The following NCAM1 variants were observed in gnomAD, a reference collection of about 807,000 sequenced individuals.
The protein encoded by NCAM1 is neural cell adhesion molecule 1, also known as antigen recognized by monoclonal antibody 5.1H11.
A neutral mutation model predicts 109.8 loss-of-function variants in NCAM1; 14 were observed. The observed-to-expected ratio is 0.13, with a 90% CI of 0.08 to 0.20. The LOEUF is 0.20. NCAM1 is among the 10% of genes least tolerant of loss of function. The pLI is 1.00. For missense variants in NCAM1, 774 were observed against 1,109.9 expected, an observed-to-expected ratio of 0.70 and a Z score of 4.30; for synonymous variants, 418 against 442.9, an observed-to-expected ratio of 0.94 and a Z score of 0.70.
At chr11:113,234,349 T>C (rs1945099390) in intron 13 of NCAM1, among the ~76,000 whole-genome samples, 1 of 152,074 alleles carries the variant, frequency 6.6e-6, no homozygotes, top group Non-Finnish European at 1.5e-5. Flanking sequence ...AAGTGTAAAA[T>C]TCAGTGGCAT....
intron 1 of NCAM1, among the ~76,000 whole-genome samples, chr11:112,982,408 G>A (rs1951177173): frequency 6.6e-6 from 1 of 151,984 alleles, no homozygotes; most frequent in African/African-American, 2.4e-5. Flanking sequence ...AGATGGGGAA[G>A]TAAGGAGGTC....
At chr11:113,225,651 T>C (rs1297765454) in intron 9 of NCAM1, among the ~76,000 whole-genome samples, 2 of 151,964 alleles carry the variant, frequency 1.3e-5, no homozygotes, top group Admixed American at 6.6e-5. Flanking sequence ...AAAGTGGAAA[T>C]GAAGGAAAAA....
At position 113,022,803 on chromosome 11, in the gene NCAM1, A is replaced by G. The variant is rs61902794; in HGVS notation, c.52+61139A>G. Among the ~76,000 whole-genome samples, 382 of 152,212 alleles carry G rather than the reference A, an allele frequency of 2.5e-3. 1 individual carries two copies. The highest frequency in any genetic ancestry group is 4.0e-3 in the Non-Finnish European group (275 of 68,016). On this transcript the variant is annotated intron_variant, in intron 1 of 19. Transcript: ENST00000316851. ...CCAGGATCCTAGTTTTCCACTCTCA[A>G]TCTTTATTACTAGGATCTTACCTTG... is the stretch of plus-strand genomic sequence containing the variant.
At chr11:113,229,504 C>T (rs1944941329) in intron 9 of NCAM1, among the ~76,000 whole-genome samples, 1 of 152,136 alleles carries the variant, frequency 6.6e-6, no homozygotes, top group African/African-American at 2.4e-5. Flanking sequence ...ACTAGTTCAA[C>T]CATTGTGGAA....
intron 1 of NCAM1, among the ~76,000 whole-genome samples, chr11:113,096,350 G>A (rs949310540): frequency 2.0e-5 from 3 of 152,234 alleles, no homozygotes; most frequent in Non-Finnish European, 2.9e-5. Context: ...CTGAGGAAGG[G>A]AGGAGCTACC....
chr11:113,228,059 C>G (rs1555116558), intron 9 of NCAM1, among the ~76,000 whole-genome samples: 1 of 152,174 alleles, frequency 6.6e-6, no homozygotes, highest in African/African-American at 2.4e-5. Context: ...TCCTATTCAA[C>G]ATAGTGTTGG....
chr11:113,000,516 G>C (rs1394914447), intron 1 of NCAM1, among the ~76,000 whole-genome samples: 2 of 152,118 alleles, frequency 1.3e-5, no homozygotes, highest in South Asian at 2.1e-4. Context: ...AGGACAGGAA[G>C]TACGGATAAC....
chr11:113,215,481 T>C (rs1488416272), intron 8 of NCAM1, among the ~76,000 whole-genome samples: 1 of 150,572 alleles, frequency 6.6e-6, no homozygotes, highest in African/African-American at 2.4e-5. Flanking sequence ...TTCACTCTTC[T>C]GCCTGCCTAA....
intron 1 of NCAM1, among the ~76,000 whole-genome samples, chr11:113,125,895 C>T (rs1941154033): frequency 1.3e-5 from 2 of 152,044 alleles, no homozygotes; most frequent in South Asian, 2.1e-4. Flanking sequence ...GTGGCTCACA[C>T]CTGTAATCCT....
intron 9 of NCAM1, 45 bp from the exon 10 acceptor site, chr11:113,231,600 C>A: frequency 6.9e-6 from 11 of 1,596,220 alleles, no homozygotes; most frequent in Non-Finnish European, 9.4e-6. Context: ...GCCCTTCACC[C>A]TGCCTTGGGC....
At chr11:113,102,093 T>C (rs1210520456) in intron 1 of NCAM1, among the ~76,000 whole-genome samples, 5 of 152,224 alleles carry the variant, frequency 3.3e-5, no homozygotes, top group African/African-American at 1.2e-4. Flanking sequence ...TCATTATTTG[T>C]TCAGAAGATT....
At chr11:113,262,876 C>G (rs1946048170) in intron 17 of NCAM1, 1 of 1,613,846 alleles carries the variant, frequency 6.2e-7, no homozygotes, top group Admixed American at 1.7e-5. Flanking sequence ...GCATCCTACA[C>G]CTTTGTCTCA....
chr11:113,120,325 G>C (rs1231739658), intron 1 of NCAM1, among the ~76,000 whole-genome samples: 1 of 152,176 alleles, frequency 6.6e-6, no homozygotes, highest in Non-Finnish European at 1.5e-5. Context: ...AAAGTTGGAA[G>C]GTTTCCGGTA....
At chr11:112,977,591 A>C (rs781890977) in intron 1 of NCAM1, among the ~76,000 whole-genome samples, 21 of 151,910 alleles carry the variant, frequency 1.4e-4, no homozygotes, top group Non-Finnish European at 2.9e-4. Context: ...GAAAAAAATT[A>C]ATACATTGGA....
At chr11:113,073,680 G>GA (rs1436773990) in intron 1 of NCAM1, among the ~76,000 whole-genome samples, 1 of 152,126 alleles carries the variant, frequency 6.6e-6, no homozygotes, top group African/African-American at 2.4e-5. Context: ...TAAAGCTAAT[G>GA]AAAAAAACCT....
chr11:113,277,833 G>T lies in NCAM1; in HGVS notation c.*2446G>T. On this transcript the variant is annotated 3_prime_UTR_variant, in exon 20 of 20. Transcript: ENST00000316851. ...ATTACACATAGGTTTGTCTCAGCAT[G>T]CAAGAGTTTTTCCTTTAAAAAAAAA... The T allele has an allele frequency of 9.7e-6, 1 of 103,000 alleles. No homozygotes were observed. The highest frequency in any genetic ancestry group is 2.4e-4 in the East Asian group (1 of 4,100). The allele number at this position is 103,000 out of a possible 1,614,324, so 6.4% of individuals were successfully genotyped here. A position where few individuals can be genotyped will look rare whatever the true frequency, so the allele number is the denominator to read the frequency against.
chr11:112,999,821 T>G (rs1318406668), intron 1 of NCAM1, among the ~76,000 whole-genome samples: 2 of 152,216 alleles, frequency 1.3e-5, no homozygotes, highest in East Asian at 3.8e-4. Flanking sequence ...AATTGTAGAA[T>G]GAAGTGTATG....
intron 9 of NCAM1, among the ~76,000 whole-genome samples, chr11:113,225,696 C>G (rs1383652209): frequency 6.6e-6 from 1 of 152,218 alleles, no homozygotes; most frequent in Non-Finnish European, 1.5e-5. Context: ...GGTCGGGTTA[C>G]CCACAAAGGG....
intron 1 of NCAM1, among the ~76,000 whole-genome samples, chr11:113,155,289 G>T (rs893079142): frequency 8.6e-5 from 13 of 152,022 alleles, no homozygotes. Flanking sequence ...AGGCCGAGGC[G>T]GGTGGATCAC....
Sources: allele counts gnomAD v4.1 joint callset (sites outside exome capture counted in the v4.1 genomes callset), GRCh38; gene constraint gnomAD v4.1.1; transcripts MANE v1.5; gene names NCBI Gene and HGNC (gene_info 2026-07-23, HGNC 2026-07-21).